ACOT12: variants seen among roughly 807,000 people sequenced by gnomAD.
The protein encoded by ACOT12 is acetyl-coenzyme A thioesterase.
In ACOT12, 51 loss-of-function variants were observed where a neutral mutation model predicts 67.7. The ratio of observed to expected loss-of-function variants is 0.75; its 90% CI spans 0.60 to 0.95. The LOEUF is 0.95. ACOT12 is among the 40% of genes least tolerant of loss of function. ACOT12 has a pLI of 0.00. For synonymous variants in ACOT12, 251 were observed against 244.6 expected (o/e 1.03, Z -0.24); for missense variants, 734 against 708.1 (o/e 1.04, Z -0.41).
downstream of ACOT12, among the ~76,000 whole-genome samples, chr5:81,325,056 C>A (rs1271696974): frequency 6.6e-6 from 1 of 151,936 alleles, no homozygotes; most frequent in Non-Finnish European, 1.5e-5. Flanking sequence ...GCTCCTGAAG[C>A]AGAGAAAAAA....
downstream of ACOT12, among the ~76,000 whole-genome samples, chr5:81,327,961 C>T (rs1378437557): frequency 5.9e-5 from 9 of 152,138 alleles, no homozygotes; most frequent in East Asian, 7.7e-4. Context: ...TTGGAGCAAA[C>T]GCGTTTGCTT....
At chr5:81,342,871 G>T in intron 10 of ACOT12, 116 bp from the exon 11 acceptor site, 2 of 1,057,558 alleles carry the variant, frequency 1.9e-6, no homozygotes, top group Non-Finnish European at 2.8e-6. Flanking sequence ...GAGTCCTAGT[G>T]ATAATGTTGA....
chr5:81,336,242 A>G (rs1758998902), intron 11 of ACOT12, among the ~76,000 whole-genome samples: 1 of 152,160 alleles, frequency 6.6e-6, no homozygotes, highest in South Asian at 2.1e-4. Flanking sequence ...GAGGAAAAAA[A>G]GAAAATATCA....
At chr5:81,348,349 C>A (rs952738824) in intron 5 of ACOT12, among the ~76,000 whole-genome samples, 3 of 152,140 alleles carry the variant, frequency 2.0e-5, no homozygotes, top group Non-Finnish European at 4.4e-5. Flanking sequence ...CAAAACTTAT[C>A]AAATTATATG....
At chr5:81,351,527 G>C (rs1350815827) in intron 5 of ACOT12, among the ~76,000 whole-genome samples, 1 of 152,164 alleles carries the variant, frequency 6.6e-6, no homozygotes, top group African/African-American at 2.4e-5. Flanking sequence ...TCAATAAATG[G>C]TGCTGGGAAA....
At chr5:81,321,199 T>C in the ACOT12 span, among the ~76,000 whole-genome samples, 3 of 152,194 alleles carry the variant, frequency 2.0e-5, no homozygotes, top group Non-Finnish European at 4.4e-5. Context: ...AAGGCTGCAG[T>C]AAGCTAAGAT....
chr5:81,393,769 T>G (rs1760926012), intron 1 of ACOT12, among the ~76,000 whole-genome samples: 1 of 152,034 alleles, frequency 6.6e-6, no homozygotes, highest in South Asian at 2.1e-4. Context: ...CCTCACTTGT[T>G]TAATGGAATG....
intron 3 of ACOT12, among the ~76,000 whole-genome samples, chr5:81,367,528 A>G (rs886996763): frequency 1.3e-5 from 2 of 152,220 alleles, no homozygotes; most frequent in Admixed American, 6.5e-5. Flanking sequence ...TTAAGTAGTC[A>G]TATTGCAAAC....
At chr5:81,317,864 T>C in the ACOT12 span, among the ~76,000 whole-genome samples, 3 of 151,608 alleles carry the variant, frequency 2.0e-5, no homozygotes, top group Admixed American at 2.0e-4. Context: ...TTTATATTTT[T>C]AGTTCTTATA....
intron 2 of ACOT12, among the ~76,000 whole-genome samples, chr5:81,378,839 G>A (rs1458498375): frequency 2.0e-5 from 3 of 152,198 alleles, no homozygotes; most frequent in African/African-American, 7.2e-5. Flanking sequence ...AACAACAGAT[G>A]CTGGACAGTA....
At chr5:81,321,735 TCAGGAGTTCAAGAC>T in the ACOT12 span, among the ~76,000 whole-genome samples, 64 of 152,054 alleles carry the variant, frequency 4.2e-4, no homozygotes, top group Admixed American at 2.0e-3. Flanking sequence ...TTACCTGAGC[TCAGGAGTTCAAGAC>T]CAGCCTGGGC....
In ACOT12 at chr5:81,352,024, T is replaced by C. The variant is rs574940347; in HGVS notation, c.497-4094A>G. On this transcript the variant is annotated intron_variant, in intron 5 of 14. Transcript: ENST00000307624. ...AAAAAGGTATCGACATCACTGATCA[T>C]CAGAGAAATGCAAATCAAAACTACA... Among the ~76,000 whole-genome samples the C allele has an allele frequency of 1.3e-5, 2 of 152,258 alleles. 1 individual carries two copies. The highest frequency in any genetic ancestry group is 4.1e-4 in the South Asian group (2 of 4,822).
intron 12 of ACOT12, among the ~76,000 whole-genome samples, chr5:81,333,437 G>A (rs765903811): frequency 5.3e-5 from 8 of 152,152 alleles, no homozygotes; most frequent in South Asian, 4.1e-4. Flanking sequence ...GTAAAATTTA[G>A]ATAATGATAC....
intron 5 of ACOT12, among the ~76,000 whole-genome samples, chr5:81,358,735 G>T (rs1213580327): frequency 6.6e-6 from 1 of 152,118 alleles, no homozygotes; most frequent in East Asian, 1.9e-4. Context: ...TATAATCCCA[G>T]CTACTTCGGA....
chr5:81,345,065 T>A (rs557298157), intron 7 of ACOT12, 24 bp from the exon 8 acceptor site: 1 of 1,612,966 alleles, frequency 6.2e-7, no homozygotes, highest in African/African-American at 1.3e-5. Flanking sequence ...TGCAGGGCGG[T>A]GGGCAAAGAG....
chr5:81,332,598 C>T lies in ACOT12; in HGVS notation c.1270G>A (p.Glu424Lys). The T allele has an allele frequency of 6.2e-7, 1 of 1,614,006 alleles. No homozygotes were observed. The highest frequency in any genetic ancestry group is 8.5e-7 in the Non-Finnish European group (1 of 1,179,974). Reference sequence around the variant, plus strand: ...TCTTCACTCACCCAGTCTATGACTTCACAGGACCTGTGTATATAGAACAGT... The same window carrying T: ...TCTTCACTCACCCAGTCTATGACTTTACAGGACCTGTGTATATAGAACAGT... The part of the protein sequence containing the change: ...PLWDPHFVSC[E>K]VIDWVSEDDQ... Residue 424 changes from glutamate to lysine, a missense_variant, in exon 13 of 15, where the codon GAA (glutamate) becomes AAA (lysine). Glu to Lys is a moderately conservative substitution (Grantham distance 56). Coordinates refer to ENST00000307624, the MANE Select transcript of ACOT12 (RefSeq NM_130767.3).
At chr5:81,352,236 C>G (rs1759575793) in intron 5 of ACOT12, among the ~76,000 whole-genome samples, 6 of 152,198 alleles carry the variant, frequency 3.9e-5, no homozygotes, top group Admixed American at 3.9e-4. Flanking sequence ...ATCATCAGAT[C>G]CAGCAATCCC....
In ACOT12 at chr5:81,363,897, G is replaced by GA; in HGVS notation, c.259-9dup. The GA allele has an allele frequency of 3.9e-6, 6 of 1,544,324 alleles. No homozygotes were observed. The highest frequency in any genetic ancestry group is 2.0e-5 in the Admixed American group (1 of 51,186). ...CATGACCTTGATACTGATCTAAAAT[G>GA]AAAAAAAGATAAATAAATACACTCT... On this transcript the variant is annotated splice_polypyrimidine_tract_variant and intron_variant, in intron 3 of 14. Coordinates refer to ENST00000307624, the MANE Select transcript of ACOT12 (RefSeq NM_130767.3).
the ACOT12 span, among the ~76,000 whole-genome samples, chr5:81,322,489 A>T: frequency 6.6e-6 from 1 of 151,332 alleles, no homozygotes; most frequent in Middle Eastern, 3.4e-3. Context: ...CCCCACATAC[A>T]TGTTAGATAA....
Sources: allele counts gnomAD v4.1 joint callset (sites outside exome capture counted in the v4.1 genomes callset), GRCh38; gene constraint gnomAD v4.1.1; transcripts MANE v1.5; gene names NCBI Gene and HGNC (gene_info 2026-07-23, HGNC 2026-07-21).